Variants in TRIM61 observed in about 807,000 individuals in gnomAD.
TRIM61 encodes the protein tripartite motif containing 61.
In TRIM61, 1 loss-of-function variant was observed where a neutral mutation model predicts 14.2. That is an observed-to-expected ratio of 0.07 (90% CI 0.03 to 0.33). The LOEUF is 0.33. Ranked by LOEUF, TRIM61 falls within the 10% of genes least tolerant of loss-of-function variation. TRIM61 has a pLI of 0.99. For synonymous variants in TRIM61, 8 were observed against 71.6 expected (o/e 0.11, Z 4.49); for missense variants, 19 against 202.2 (o/e 0.09, Z 5.49).
intron 3 of TRIM61, among the ~76,000 whole-genome samples, chr4:164,967,350 GAC>G (rs1732266010): frequency 6.6e-6 from 1 of 152,050 alleles, no homozygotes; most frequent in African/African-American, 2.4e-5. Flanking sequence ...CTTTTTTGTT[GAC>G]ACAAGTTTTC....
intron 3 of TRIM61, chr4:164,958,117 A>T: frequency 6.0e-6 from 1 of 167,140 alleles, no homozygotes; most frequent in East Asian, 1.9e-4. Flanking sequence ...AGGAAGAGAA[A>T]GAGGACAAAA....
intron 3 of TRIM61, among the ~76,000 whole-genome samples, chr4:164,967,426 A>C (rs1385655436): frequency 6.6e-6 from 1 of 152,236 alleles, no homozygotes; most frequent in African/African-American, 2.4e-5. Flanking sequence ...AATAAACCTA[A>C]GGAGGAAAAG....
chr4:164,960,572 A>G (rs1445236398), intron 3 of TRIM61, among the ~76,000 whole-genome samples: 1 of 151,906 alleles, frequency 6.6e-6, no homozygotes, highest in Non-Finnish European at 1.5e-5. Context: ...AAAAAAGGAA[A>G]AAAAATTTCC....
intron 2 of TRIM61, among the ~76,000 whole-genome samples, chr4:164,976,088 G>T (rs1360795716): frequency 6.6e-6 from 1 of 152,154 alleles, no homozygotes; most frequent in East Asian, 1.9e-4. Context: ...ACTTTCCCTT[G>T]AACTTAATTA....
At chr4:164,966,648 CAT>C in intron 3 of TRIM61, among the ~76,000 whole-genome samples, 1 of 152,268 alleles carries the variant, frequency 6.6e-6, no homozygotes, top group South Asian at 2.1e-4. Flanking sequence ...TGCAGTGGTT[CAT>C]GTCTGTAATT....
At chr4:164,971,366 C>G (rs760145417) in intron 2 of TRIM61, among the ~76,000 whole-genome samples, 12 of 152,022 alleles carry the variant, frequency 7.9e-5, no homozygotes, top group Non-Finnish European at 1.5e-4. Flanking sequence ...CCAAGGTGGG[C>G]AGATCACCTG....
chr4:164,964,071 C>T (rs985037423), intron 3 of TRIM61, among the ~76,000 whole-genome samples: 1 of 151,254 alleles, frequency 6.6e-6, no homozygotes, highest in Admixed American at 6.6e-5. Context: ...GAAAAATGGC[C>T]GGGCGCGGTG....
intron 3 of TRIM61, among the ~76,000 whole-genome samples, chr4:164,961,550 T>TA (rs1299843970): frequency 6.9e-6 from 1 of 144,188 alleles, no homozygotes; most frequent in Non-Finnish European, 1.5e-5. Flanking sequence ...ATGGCAAAAA[T>TA]AAATAAAAAT....
intron 3 of TRIM61, among the ~76,000 whole-genome samples, chr4:164,960,350 C>T (rs1732105856): frequency 6.6e-6 from 1 of 151,728 alleles, no homozygotes; most frequent in African/African-American, 2.4e-5. Context: ...CAAGACCAGC[C>T]TTGCCAAGAT....
intron 2 of TRIM61, among the ~76,000 whole-genome samples, chr4:164,971,362 T>G (rs947919857): frequency 2.0e-5 from 3 of 152,034 alleles, no homozygotes; most frequent in African/African-American, 7.2e-5. Flanking sequence ...GAGGCCAAGG[T>G]GGGCAGATCA....
At chr4:164,957,227 G>C (rs1732022280) in intron 3 of TRIM61, 1 of 1,614,054 alleles carries the variant, frequency 6.2e-7, no homozygotes, top group Non-Finnish European at 8.5e-7. Context: ...GACCACATTC[G>C]TCCAACAGCG....
intron 3 of TRIM61, 139 bp downstream of exon 3, chr4:164,968,142 G>A: frequency 2.0e-6 from 2 of 984,044 alleles, no homozygotes; most frequent in Non-Finnish European, 2.4e-6. Flanking sequence ...AACGAAAAAA[G>A]GGGAGGGGAG....
chr4:164,971,521 G>A (rs1296789751), intron 2 of TRIM61, among the ~76,000 whole-genome samples: 3 of 151,690 alleles, frequency 2.0e-5, no homozygotes, highest in Non-Finnish European at 2.9e-5. Context: ...AACCCGAGAG[G>A]AGGAGGTTGT....
intron 3 of TRIM61, among the ~76,000 whole-genome samples, chr4:164,965,593 C>T (rs890180514): frequency 6.6e-6 from 1 of 151,836 alleles, no homozygotes; most frequent in Admixed American, 6.6e-5. Flanking sequence ...GCCACCAAGC[C>T]TGGCTAATTT....
intron 3 of TRIM61, chr4:164,958,414 T>C (rs1579141591): frequency 6.0e-6 from 1 of 167,068 alleles, no homozygotes; most frequent in Non-Finnish European, 1.5e-5. Context: ...CTACTTAGGC[T>C]GTGTTTCACA....
At chr4:164,961,144 A>G (rs1028990764) in intron 3 of TRIM61, among the ~76,000 whole-genome samples, 3 of 143,004 alleles carry the variant, frequency 2.1e-5, no homozygotes, top group African/African-American at 7.7e-5. Flanking sequence ...GAAAATAAGA[A>G]CTCTCAGGCA....
chr4:164,960,049 T>C (rs968283409), intron 3 of TRIM61, among the ~76,000 whole-genome samples: 1 of 152,116 alleles, frequency 6.6e-6, no homozygotes, highest in Non-Finnish European at 1.5e-5. Flanking sequence ...CACAAAGATA[T>C]GCACAGAGGA....
chr4:164,968,494 T>C, intron 3 of TRIM61: 1 of 985,586 alleles, frequency 1.0e-6, no homozygotes, highest in Non-Finnish European at 1.2e-6. Context: ...TGCTTTCTTA[T>C]GGGAAAAACT....
At chr4:164,956,852 C>A in intron 3 of TRIM61, 1 of 665,110 alleles carries the variant, frequency 1.5e-6, no homozygotes, top group Non-Finnish European at 2.5e-6. Context: ...TTCAGCACCC[C>A]AAGCACTGCA....
Sources: gnomAD v4.1 joint callset for allele counts (sites outside exome capture counted in the v4.1 genomes callset) on GRCh38, gnomAD v4.1.1 for gene constraint, MANE v1.5 for transcripts, NCBI Gene and HGNC (gene_info 2026-07-23, HGNC 2026-07-21) for gene names.